Variants in TTC17 observed in about 807,000 individuals in gnomAD.
The protein encoded by TTC17 is tetratricopeptide repeat domain 17.
Under a neutral mutation model 143.8 loss-of-function variants are expected in TTC17, and 58 were observed. The observed-to-expected ratio is 0.40, with a 90% CI of 0.33 to 0.50. TTC17 has a LOEUF of 0.50. TTC17 is among the 20% of genes least tolerant of loss of function. The pLI is 0.49. For missense variants in TTC17, 1,273 were observed against 1,392.5 expected, an observed-to-expected ratio of 0.91 and a Z score of 1.37; for synonymous variants, 501 against 497.8, an observed-to-expected ratio of 1.01 and a Z score of -0.09.
rs1018284220 is a variant in TTC17, at chr11:43,373,566, A to C, written c.160-5667A>C. Among the ~76,000 whole-genome samples the C allele has an allele frequency of 4.6e-5, 7 of 151,926 alleles. No homozygotes were observed. In the East Asian group the frequency reaches 1.2e-3, roughly 25 times the overall value. On this transcript the variant is annotated intron_variant, in intron 1 of 23. Coordinates refer to ENST00000039989, the MANE Select transcript of TTC17 (RefSeq NM_018259.6). ...TCTCGATCTCCTGACCTCATGATCC[A>C]CCCGCCTCAGCTTCCCAAAGTGCTG...
intron 21 of TTC17, chr11:43,486,335 T>C (rs1007993112): frequency 7.4e-6 from 3 of 408,078 alleles, no homozygotes; most frequent in Non-Finnish European, 1.5e-5. Context: ...ATGTGAATCA[T>C]CGTGTAGAAG....
At chr11:43,410,129 A>G (rs1272241297) in intron 15 of TTC17, among the ~76,000 whole-genome samples, 1 of 152,218 alleles carries the variant, frequency 6.6e-6, no homozygotes, top group African/African-American at 2.4e-5. Context: ...CTGGGATTAC[A>G]GGTGTGAGCC....
intron 2 of TTC17, among the ~76,000 whole-genome samples, chr11:43,388,203 A>G (rs1432333430): frequency 6.6e-6 from 1 of 152,206 alleles, no homozygotes; most frequent in East Asian, 1.9e-4. Context: ...GAAAATGGAT[A>G]AATACATATT....
chr11:43,433,629 A>G (rs977989816), intron 16 of TTC17, among the ~76,000 whole-genome samples: 11 of 152,186 alleles, frequency 7.2e-5, no homozygotes, highest in African/African-American at 2.2e-4. Flanking sequence ...TAAATTACCT[A>G]CAAGATATTT....
chr11:43,446,951 T>C (rs947905615), intron 18 of TTC17, among the ~76,000 whole-genome samples: 7 of 152,222 alleles, frequency 4.6e-5, no homozygotes, highest in Non-Finnish European at 1.0e-4. Context: ...GCTCTGCCAG[T>C]TGCTAGCCAG....
chr11:43,436,206 A>G, intron 16 of TTC17: 1 of 1,467,758 alleles, frequency 6.8e-7, no homozygotes, highest in Non-Finnish European at 9.0e-7. Context: ...CATGACAAAC[A>G]GAAATATTTT....
At chr11:43,484,108 C>T (rs987464418) in intron 21 of TTC17, among the ~76,000 whole-genome samples, 6 of 152,112 alleles carry the variant, frequency 3.9e-5, no homozygotes, top group South Asian at 2.1e-4. Flanking sequence ...TGTCACTGTA[C>T]TCCAGCCTGG....
intron 1 of TTC17, among the ~76,000 whole-genome samples, chr11:43,373,738 T>G (rs1856659410): frequency 6.6e-6 from 1 of 152,208 alleles, no homozygotes. Flanking sequence ...CAGACTATTT[T>G]GGGGGTATAG....
rs1238302045 is a variant in TTC17 at position 43,372,958 on chromosome 11, G to A, written c.160-6275G>A. Among the ~76,000 whole-genome samples the A allele has an allele frequency of 3.9e-5, 6 of 152,054 alleles. 1 individual carries two copies. Among genetic ancestry groups the A allele is most frequent in the African/African-American group, 1.2e-4 (5 of 41,378 alleles). On this transcript the variant is annotated intron_variant, in intron 1 of 23. Coordinates refer to ENST00000039989, the MANE Select transcript of TTC17 (RefSeq NM_018259.6). ...CAAAATGTACAGAGGAATAGAGAGA[G>A]GAAGGAAATAATATAGTAGATATAT...
At chr11:43,469,281 A>G (rs879265830) in intron 21 of TTC17, among the ~76,000 whole-genome samples, 2 of 152,194 alleles carry the variant, frequency 1.3e-5, no homozygotes, top group Admixed American at 1.3e-4. Flanking sequence ...GGAGTAGAAA[A>G]TAATATGATT....
intron 21 of TTC17, among the ~76,000 whole-genome samples, chr11:43,469,296 T>A (rs891363466): frequency 1.3e-5 from 2 of 152,194 alleles, no homozygotes; most frequent in Admixed American, 1.3e-4. Context: ...ATGATTATTT[T>A]GGAAAACAGT....
At chr11:43,377,001 A>G (rs1856784329) in intron 1 of TTC17, among the ~76,000 whole-genome samples, 1 of 152,172 alleles carries the variant, frequency 6.6e-6, no homozygotes, top group Admixed American at 6.5e-5. Context: ...GCACAGTAAA[A>G]ATACAGTATT....
intron 1 of TTC17, among the ~76,000 whole-genome samples, chr11:43,368,233 G>A (rs936611767): frequency 2.0e-5 from 3 of 151,890 alleles, no homozygotes; most frequent in South Asian, 2.1e-4. Context: ...TTGCAGTCTC[G>A]GGGCATAAAG....
intron 21 of TTC17, among the ~76,000 whole-genome samples, chr11:43,477,738 A>G (rs561464983): frequency 6.6e-6 from 1 of 152,278 alleles, no homozygotes; most frequent in East Asian, 1.9e-4. Context: ...CAGCCAAACC[A>G]TATCACATGG....
intron 21 of TTC17, among the ~76,000 whole-genome samples, chr11:43,467,262 G>A (rs1373407186): frequency 6.6e-6 from 1 of 152,170 alleles, no homozygotes; most frequent in East Asian, 1.9e-4. Flanking sequence ...GCCAAGAGGT[G>A]GAAGCCATCT....
chr11:43,445,331 C>A (rs557893174), intron 18 of TTC17, among the ~76,000 whole-genome samples: 1 of 151,996 alleles, frequency 6.6e-6, no homozygotes, highest in African/African-American at 2.4e-5. Flanking sequence ...TTACAGTTGG[C>A]AGCATCTTAG....
intron 16 of TTC17, among the ~76,000 whole-genome samples, chr11:43,429,039 A>G (rs1947093047): frequency 6.6e-6 from 1 of 152,234 alleles, no homozygotes; most frequent in Non-Finnish European, 1.5e-5. Context: ...TTCTGTTCAA[A>G]TAATTTCTTT....
At chr11:43,397,143 C>T (rs949423108) in intron 6 of TTC17, 3 of 539,368 alleles carry the variant, frequency 5.6e-6, no homozygotes, top group African/African-American at 3.8e-5. Context: ...ATTGTAAAAT[C>T]ATACAGTGTC....
At chr11:43,371,025 G>A (rs115305760) in intron 1 of TTC17, among the ~76,000 whole-genome samples, 3 of 40,734 alleles carry the variant, frequency 7.4e-5, no homozygotes, top group South Asian at 4.8e-4. Flanking sequence ...AGGGGAGGTG[G>A]GGGGGGGGGT....
Sources: allele counts gnomAD v4.1 joint callset (sites outside exome capture counted in the v4.1 genomes callset), GRCh38; gene constraint gnomAD v4.1.1; transcripts MANE v1.5; gene names NCBI Gene and HGNC (gene_info 2026-07-23, HGNC 2026-07-21).